ARMH3: variants seen among roughly 807,000 people sequenced by gnomAD.
ARMH3 encodes the protein armadillo like helical domain containing 3.
In ARMH3, 60 loss-of-function variants were observed where a neutral mutation model predicts 99.1. The observed-to-expected ratio is 0.61, with a 90% CI of 0.49 to 0.75. ARMH3 has a LOEUF of 0.75. Among genes scored for constraint, ARMH3 ranks in the 30% least tolerant of loss-of-function variants. The pLI, the probability that ARMH3 is intolerant of heterozygous loss-of-function variation, is 0.00. For missense variants in ARMH3, 679 were observed against 843.1 expected (o/e 0.81, Z 2.41); for synonymous variants, 285 against 292.8 (o/e 0.97, Z 0.27).
At chr10:101,899,479 G>T (rs576150100) in intron 23 of ARMH3, among the ~76,000 whole-genome samples, 1 of 152,258 alleles carries the variant, frequency 6.6e-6, no homozygotes, top group South Asian at 2.1e-4. Context: ...TTCACCTTCA[G>T]AATTGCCTCA....
chr10:101,857,442 T>C (rs1199129227), intron 24 of ARMH3, among the ~76,000 whole-genome samples: 1 of 151,848 alleles, frequency 6.6e-6, no homozygotes, highest in Non-Finnish European at 1.5e-5. Context: ...GAGACTCCAC[T>C]TCAAAAAAAA....
intron 23 of ARMH3, among the ~76,000 whole-genome samples, chr10:101,929,252 CAATGAGCACTG>C (rs1315775858): frequency 4.6e-5 from 7 of 152,126 alleles, no homozygotes; most frequent in African/African-American, 1.7e-4. Flanking sequence ...CCTTAAGAGC[CAATGAGCACTG>C]AATGCTCACA....
At chr10:102,006,438 A>T in intron 14 of ARMH3, 102 bp downstream of exon 14, 1 of 1,345,156 alleles carries the variant, frequency 7.4e-7, no homozygotes, top group South Asian at 1.2e-5. Context: ...TTTAGTGGGA[A>T]AAATTAACAA....
intron 23 of ARMH3, among the ~76,000 whole-genome samples, chr10:101,897,401 T>C (rs1182943176): frequency 6.6e-6 from 1 of 152,234 alleles, no homozygotes; most frequent in African/African-American, 2.4e-5. Flanking sequence ...TAAAATGTTT[T>C]ATCCTCATCC....
intron 1 of ARMH3, 121 bp from the exon 2 acceptor site, chr10:102,040,246 A>C: frequency 2.5e-6 from 2 of 799,034 alleles, no homozygotes; most frequent in South Asian, 1.6e-5. Flanking sequence ...GTGAATCCTA[A>C]TGTAAACTGT....
chr10:101,968,897 GC>G (rs1391216957), intron 20 of ARMH3, among the ~76,000 whole-genome samples: 4 of 152,094 alleles, frequency 2.6e-5, no homozygotes, highest in African/African-American at 9.7e-5. Context: ...ACCTTCTAAT[GC>G]CCCTGAATTA....
intron 22 of ARMH3, among the ~76,000 whole-genome samples, chr10:101,941,466 TC>T (rs1844236885): frequency 6.6e-6 from 1 of 152,098 alleles, no homozygotes; most frequent in Admixed American, 6.5e-5. Flanking sequence ...CTGAGTACCA[TC>T]ACTATGTACG....
intron 10 of ARMH3, 112 bp from the exon 11 acceptor site, chr10:102,011,895 A>T (rs537149965): frequency 2.2e-4 from 166 of 763,730 alleles, no homozygotes; most frequent in Middle Eastern, 6.0e-4. Flanking sequence ...GACTCCAGAA[A>T]ACTAAAGCAT....
At chr10:102,048,736 T>A (rs2067617728) in intron 1 of ARMH3, among the ~76,000 whole-genome samples, 1 of 152,126 alleles carries the variant, frequency 6.6e-6, no homozygotes, top group Admixed American at 6.6e-5. Flanking sequence ...AGACAACATG[T>A]TTATATCAAG....
intron 8 of ARMH3, among the ~76,000 whole-genome samples, chr10:102,017,786 T>C (rs997546059): frequency 6.6e-6 from 1 of 152,180 alleles, no homozygotes; most frequent in Non-Finnish European, 1.5e-5. Context: ...TCCAAGACAA[T>C]GAAAACAATC....
intron 23 of ARMH3, among the ~76,000 whole-genome samples, chr10:101,939,181 G>A (rs1844126596): frequency 6.6e-6 from 1 of 152,154 alleles, no homozygotes; most frequent in South Asian, 2.1e-4. Flanking sequence ...TTGTTTATAA[G>A]AACAGTGTAA....
At chr10:101,911,356 A>C (rs1006984430) in intron 23 of ARMH3, among the ~76,000 whole-genome samples, 9 of 152,188 alleles carry the variant, frequency 5.9e-5, no homozygotes, top group African/African-American at 2.2e-4. Context: ...GGTTGATTCC[A>C]GGTCTGGAGC....
At chr10:101,954,166 T>C (rs766324434) in intron 22 of ARMH3, among the ~76,000 whole-genome samples, 10 of 152,032 alleles carry the variant, frequency 6.6e-5, no homozygotes, top group African/African-American at 2.2e-4. Flanking sequence ...CACTCCACCA[T>C]GGGTGAAAGA....
intron 19 of ARMH3, among the ~76,000 whole-genome samples, chr10:101,980,391 T>C (rs540682485): frequency 6.6e-6 from 1 of 152,220 alleles, no homozygotes; most frequent in African/African-American, 2.4e-5. Context: ...CTCTGCCTCC[T>C]GGGTTCAAGT....
intron 24 of ARMH3, among the ~76,000 whole-genome samples, chr10:101,869,957 T>C (rs2067095601): frequency 6.6e-6 from 1 of 152,150 alleles, no homozygotes; most frequent in Admixed American, 6.6e-5. Flanking sequence ...CACTTGATCC[T>C]GGGAAGTGGA....
rs538762220 is a variant in ARMH3, at chr10:102,044,265, C to T, written c.-11-4140G>A. 6.8e-4 allele frequency among the ~76,000 whole-genome samples: 103 copies of T among 151,774 alleles called. 1 individual carries two copies. The highest frequency in any genetic ancestry group is 1.2e-3 in the Non-Finnish European group (81 of 67,910). On this transcript the variant is annotated intron_variant, in intron 1 of 25. Coordinates refer to ENST00000370033, the MANE Select transcript of ARMH3 (RefSeq NM_024541.3). ...AATTTTGTTGTATTTTTAGTAGAGA[C>T]GGAGTTTCACCATGTTAGCCAGGAT...
chr10:102,012,776 TAAC>T, intron 10 of ARMH3, 54 bp downstream of exon 10: 1 of 1,520,508 alleles, frequency 6.6e-7, no homozygotes, highest in South Asian at 1.2e-5. Flanking sequence ...AACAAAACTC[TAAC>T]AACCAATTCA....
At chr10:102,030,740 AT>A (rs1374807575) in intron 4 of ARMH3, among the ~76,000 whole-genome samples, 1 of 151,986 alleles carries the variant, frequency 6.6e-6, no homozygotes, top group African/African-American at 2.4e-5. Flanking sequence ...TAATTTTGGC[AT>A]TTATATTACA....
chr10:102,045,004 C>T (rs1264790535), intron 1 of ARMH3, among the ~76,000 whole-genome samples: 3 of 151,490 alleles, frequency 2.0e-5, no homozygotes, highest in Non-Finnish European at 1.5e-5. Flanking sequence ...GGCGTGATGG[C>T]GGGAGCCTGT....
Sources: allele counts gnomAD v4.1 joint callset (sites outside exome capture counted in the v4.1 genomes callset), GRCh38; gene constraint gnomAD v4.1.1; transcripts MANE v1.5; gene names NCBI Gene and HGNC (gene_info 2026-07-23, HGNC 2026-07-21).